The following LPAR3 variants were observed in gnomAD, a reference collection of about 807,000 sequenced individuals.
LPAR3 encodes the protein lysophosphatidic acid receptor 3.
In LPAR3, 7 loss-of-function variants were observed where a neutral mutation model predicts 17.8. The observed-to-expected ratio is 0.39, with a 90% CI of 0.22 to 0.74. The LOEUF (loss-of-function observed/expected upper bound fraction) is 0.74. Ranked by LOEUF, LPAR3 falls within the 30% of genes least tolerant of loss-of-function variation. The pLI is 0.40. For synonymous variants in LPAR3, 179 were observed against 179.9 expected (o/e 0.99, Z 0.04); for missense variants, 391 against 453.4 (o/e 0.86, Z 1.25).
intron 2 of LPAR3, among the ~76,000 whole-genome samples, chr1:84,827,668 G>C (rs1201916506): frequency 6.6e-6 from 1 of 152,112 alleles, no homozygotes; most frequent in Non-Finnish European, 1.5e-5. Flanking sequence ...CATTCAGTTT[G>C]CTAATTTACA....
chr1:84,877,287 T>C (rs1191905861), intron 1 of LPAR3, among the ~76,000 whole-genome samples: 4 of 152,234 alleles, frequency 2.6e-5, no homozygotes, highest in Non-Finnish European at 5.9e-5. Context: ...GTGTGCACTA[T>C]GGTTCATCCT....
intron 1 of LPAR3, among the ~76,000 whole-genome samples, chr1:84,883,563 T>A (rs369101557): frequency 1.3e-5 from 2 of 152,238 alleles, no homozygotes; most frequent in Non-Finnish European, 2.9e-5. Context: ...TTCACTGATA[T>A]ACTAGTGAAC....
chr1:84,855,299 G>A (rs1301580347), intron 2 of LPAR3, among the ~76,000 whole-genome samples: 1 of 152,174 alleles, frequency 6.6e-6, no homozygotes, highest in Non-Finnish European at 1.5e-5. Context: ...TACTATTCCA[G>A]ATGTTGAATT....
At chr1:84,837,354 T>C (rs961214564) in intron 2 of LPAR3, among the ~76,000 whole-genome samples, 12 of 152,186 alleles carry the variant, frequency 7.9e-5, no homozygotes, top group African/African-American at 2.9e-4. Flanking sequence ...TTGATATAAA[T>C]ATCACACTTT....
rs1035829662 is a variant in LPAR3 at position 84,888,130 on chromosome 1, A to T, written c.-19+4886T>A. ...AATAAAGACTGATGATGTATATTTT[A>T]TATATATATATATACATACATACAC... is the stretch of plus-strand genomic sequence containing the variant. On this transcript the variant is annotated intron_variant, in intron 1 of 2. Coordinates refer to ENST00000370611, the MANE Select transcript of LPAR3 (RefSeq NM_012152.3). Among the ~76,000 whole-genome samples, 6 of 17,482 alleles carry T rather than the reference A, an allele frequency of 3.4e-4. No homozygotes were observed. In the East Asian group the frequency reaches 0.024, roughly 69 times the overall value. 11.5% of individuals were successfully genotyped at this position (17,482 alleles called of 152,430 possible). A position where few individuals can be genotyped will look rare whatever the true frequency, so the allele number is the denominator to read the frequency against.
intron 2 of LPAR3, among the ~76,000 whole-genome samples, chr1:84,845,782 C>T (rs1035492110): frequency 5.3e-5 from 8 of 152,034 alleles, no homozygotes; most frequent in African/African-American, 1.9e-4. Flanking sequence ...CATGTATTTA[C>T]TTGAGGAAAA....
At chr1:84,817,233 C>T (rs200312999) in intron 2 of LPAR3, among the ~76,000 whole-genome samples, 1 of 77,636 alleles carries the variant, frequency 1.3e-5, no homozygotes, top group South Asian at 5.5e-4. Context: ...TGGTAGGCAA[C>T]TAAGTGATAA....
At chr1:84,860,841 C>T (rs1659926969) in intron 2 of LPAR3, among the ~76,000 whole-genome samples, 1 of 150,116 alleles carries the variant, frequency 6.7e-6, no homozygotes, top group Middle Eastern at 3.2e-3. Context: ...TGGGTTCAAC[C>T]AATTCTCCTG....
At chr1:84,856,231 A>T (rs576092056) in intron 2 of LPAR3, among the ~76,000 whole-genome samples, 40 of 152,110 alleles carry the variant, frequency 2.6e-4, no homozygotes, top group African/African-American at 9.4e-4. Flanking sequence ...AAAAGTACGA[A>T]CACCCCCGGA....
chr1:84,814,615 C>T (rs891052698), intron 2 of LPAR3, among the ~76,000 whole-genome samples: 11 of 152,230 alleles, frequency 7.2e-5, no homozygotes, highest in African/African-American at 2.7e-4. Context: ...CTTCACCCTA[C>T]ATTCTGCTGT....
At chr1:84,844,991 C>T (rs1427067617) in intron 2 of LPAR3, among the ~76,000 whole-genome samples, 3 of 152,236 alleles carry the variant, frequency 2.0e-5, no homozygotes, top group Admixed American at 1.3e-4. Context: ...ATAACAAAAA[C>T]AATTAAGATT....
chr1:84,879,316 C>CTTTTTTTTTTTTTTTTTT (rs1187756554), intron 1 of LPAR3, among the ~76,000 whole-genome samples: 41 of 120,618 alleles, frequency 3.4e-4, no homozygotes, highest in African/African-American at 9.8e-4. Flanking sequence ...TTTCTTTTTT[C>CTTTTTTTTTTTTTTTTTT]TTTTTTTTTT....
rs370676637 is a variant in LPAR3, at chr1:84,865,506, C to T, written c.615G>A (p.Val205=). 13 of 1,614,044 alleles carry T rather than the reference C, an allele frequency of 8.1e-6. No individual in the cohort carries two copies. Among genetic ancestry groups the T allele is most frequent in the Non-Finnish European group, 1.0e-5 (12 of 1,180,046 alleles). The change falls in exon 2 of 3, where the codon GTG becomes GTA. Residue 205 remains valine, a synonymous_variant. Coordinates refer to ENST00000370611, the MANE Select transcript of LPAR3 (RefSeq NM_012152.3). ...TGACGTACACGTAGATCCGCAGGTA[C>T]ACCACAACCATGATGAGGAAGGCCA... ...NLMAFLIMVV[V]YLRIYVYVKR...
At chr1:84,839,798 A>T (rs1659474680) in intron 2 of LPAR3, among the ~76,000 whole-genome samples, 2 of 152,342 alleles carry the variant, frequency 1.3e-5, no homozygotes, top group South Asian at 4.1e-4. Flanking sequence ...TTACTGTGTG[A>T]CCTGGGGTAA....
At chr1:84,880,454 C>T (rs1318951607) in intron 1 of LPAR3, among the ~76,000 whole-genome samples, 2 of 152,148 alleles carry the variant, frequency 1.3e-5, no homozygotes, top group Admixed American at 6.5e-5. Flanking sequence ...ATAGTATTAC[C>T]ACTTGCAGCC....
At position 84,812,867 on chromosome 1, in the gene LPAR3, G is replaced by A. The variant is rs1375191881; in HGVS notation, c.*979C>T. On this transcript the variant is annotated 3_prime_UTR_variant, in exon 3 of 3. Transcript: ENST00000370611. Reference sequence around the variant, plus strand: ...TCTTACTAGGCAAGATTATCAGCTGGATGTTCCATAGGCACTTCAAACTTC... The same window carrying A: ...TCTTACTAGGCAAGATTATCAGCTGAATGTTCCATAGGCACTTCAAACTTC... The A allele has an allele frequency of 1.3e-5, 2 of 151,818 alleles. No homozygotes were observed. Among genetic ancestry groups the A allele is most frequent in the African/African-American group, 4.8e-5 (2 of 41,312 alleles). 9.4% of individuals were successfully genotyped at this position (151,818 alleles called of 1,614,324 possible).
chr1:84,847,799 A>G (rs1179138647), intron 2 of LPAR3, among the ~76,000 whole-genome samples: 1 of 152,216 alleles, frequency 6.6e-6, no homozygotes, highest in Non-Finnish European at 1.5e-5. Flanking sequence ...AGCCATGGCC[A>G]GGCCTCATTA....
In LPAR3 at chr1:84,860,032, G is replaced by A. The variant is rs187596424; in HGVS notation, c.736+5353C>T. On this transcript the variant is annotated intron_variant, in intron 2 of 2. Coordinates refer to ENST00000370611, the MANE Select transcript of LPAR3 (RefSeq NM_012152.3). The stretch of plus-strand genomic sequence containing the variant: ...TTGGAAAGCAGGATCGTATGTCTCC[G>A]ATGTCTTTTCAATGAGAACATTCAA... 1.4e-3 allele frequency among the ~76,000 whole-genome samples: 213 copies of A among 152,242 alleles called. No individual in the cohort carries two copies. In the South Asian group the frequency reaches 0.019, roughly 13 times the overall value.
At chr1:84,819,690 C>G (rs9324141) in intron 2 of LPAR3, among the ~76,000 whole-genome samples, 4 of 152,074 alleles carry the variant, frequency 2.6e-5, no homozygotes, top group African/African-American at 9.7e-5. Context: ...TGAGCACATA[C>G]GCAAAAATAA....
Sources: gnomAD v4.1 joint callset for allele counts (sites outside exome capture counted in the v4.1 genomes callset) on GRCh38, gnomAD v4.1.1 for gene constraint, MANE v1.5 for transcripts, NCBI Gene and HGNC (gene_info 2026-07-23, HGNC 2026-07-21) for gene names.